Variants in IQSEC2 observed in about 807,000 individuals in gnomAD.
The protein encoded by IQSEC2 is IQ motif and Sec7 domain ArfGEF 2, also known as IQ motif and SEC7 domain-containing protein 2.
Under a neutral mutation model 74.6 loss-of-function variants are expected in IQSEC2, and 6 were observed. That is an observed-to-expected ratio of 0.08 (90% CI 0.04 to 0.16). The LOEUF (loss-of-function observed/expected upper bound fraction) is 0.16. Among genes scored for constraint, IQSEC2 ranks in the 10% least tolerant of loss-of-function variants. IQSEC2 has a pLI of 1.00. For missense variants in IQSEC2, 734 were observed against 1,306.2 expected, an observed-to-expected ratio of 0.56 and a Z score of 6.75; for synonymous variants, 494 against 544.5, an observed-to-expected ratio of 0.91 and a Z score of 1.29.
chrX:53,248,806 T>G lies in IQSEC2; in HGVS notation c.2374A>C (p.Ile792Leu). Residue 792 changes from isoleucine (I) to leucine (L), a missense_variant, in exon 6 of 15, where the codon ATC becomes CTC. By Grantham distance (5) the Ile-to-Leu change is conservative (BLOSUM62 2). Transcript: ENST00000642864. ...SDTPVGVAHF[I>L]LERKGLSRQM... Reference sequence around the variant, plus strand: ...CGGCTGAGGCCTTTCCGCTCCAGGATGAAGTGAGCCACTCCCACCGGTGTG... The same window carrying G: ...CGGCTGAGGCCTTTCCGCTCCAGGAGGAAGTGAGCCACTCCCACCGGTGTG... 8.3e-7 allele frequency: 1 copy of G among 1,211,226 alleles called. No homozygotes were observed. Among genetic ancestry groups the G allele is most frequent in the Non-Finnish European group, 1.1e-6 (1 of 895,258 alleles).
intron 1 of IQSEC2, among the ~76,000 whole-genome samples, chrX:53,305,509 C>A (rs146201681): frequency 1.8e-5 from 2 of 111,659 alleles, no homozygotes; most frequent in Non-Finnish European, 3.8e-5. Context: ...CCATGCCCAG[C>A]CATAAAGTTA....
At position 53,256,002 on chromosome X, in the gene IQSEC2, T is replaced by C; in HGVS notation, c.797A>G (p.Gln266Arg). The C allele has an allele frequency of 8.4e-7, 1 of 1,189,771 alleles. No individual in the cohort carries two copies. The highest frequency in any genetic ancestry group is 1.1e-6 in the Non-Finnish European group (1 of 883,187). Residue 266 changes from glutamine to arginine, a missense_variant, in exon 3 of 15, where the codon CAA becomes CGA. Gln to Arg is a conservative substitution (Grantham distance 43). This residue lies in a region of IQSEC2 where 54 missense variants were observed against 62.1 expected (regional missense o/e 0.87). Transcript: ENST00000642864. ...CAGCTGGCTCAGCCGGTAGGGGGGT[T>C]GGCTCCCAGGACTATCAACCGCTGT... ...LSTAVDSPGSQPPYRLSQLPP... is the reference protein window; with the variant it reads ...LSTAVDSPGSRPPYRLSQLPP...
At chrX:53,304,785 C>T (rs1556876230) in intron 1 of IQSEC2, among the ~76,000 whole-genome samples, 1 of 111,578 alleles carries the variant, frequency 9.0e-6, no homozygotes, top group Non-Finnish European at 1.9e-5. Flanking sequence ...CTTCCCTAAC[C>T]TCATGCTCCT....
chrX:53,317,699 C>G (rs1038475340), intron 1 of IQSEC2, among the ~76,000 whole-genome samples: 1 of 112,296 alleles, frequency 8.9e-6, no homozygotes, highest in Non-Finnish European at 1.9e-5. Context: ...AGCCTGTACC[C>G]GCTCTACCTA....
intron 2 of IQSEC2, chrX:53,281,606 C>CT: frequency 9.4e-7 from 1 of 1,061,745 alleles, no homozygotes. Context: ...CAGCCCTTCC[C>CT]TAGAAGGAGG....
chrX:53,274,456 T>TTTTC (rs1242756890), intron 2 of IQSEC2, among the ~76,000 whole-genome samples: 9 of 65,293 alleles, frequency 1.4e-4, no homozygotes, highest in African/African-American at 4.4e-4. Flanking sequence ...ACATTTCTTT[T>TTTTC]TTTTTTTTTT....
At chrX:53,294,048 C>T (rs2075127278) in intron 1 of IQSEC2, among the ~76,000 whole-genome samples, 1 of 111,677 alleles carries the variant, frequency 9.0e-6, no homozygotes. Flanking sequence ...AGCTCAGTGC[C>T]GGGCACGTAC....
chrX:53,259,603 C>A (rs1363047285), intron 2 of IQSEC2, among the ~76,000 whole-genome samples: 1 of 110,432 alleles, frequency 9.1e-6, no homozygotes, highest in Admixed American at 9.7e-5. Flanking sequence ...GAGTTCAAGA[C>A]CAGCCTGGGC....
intron 2 of IQSEC2, among the ~76,000 whole-genome samples, chrX:53,289,983 A>T (rs2075079379): frequency 8.9e-6 from 1 of 111,845 alleles, no homozygotes; most frequent in African/African-American, 3.2e-5. Context: ...ACAAATGGTG[A>T]TTGCTATAAT....
intron 1 of IQSEC2, among the ~76,000 whole-genome samples, chrX:53,293,688 T>G (rs1556873581): frequency 2.7e-5 from 3 of 111,088 alleles, no homozygotes; most frequent in Non-Finnish European, 5.7e-5. Context: ...CCAGCACACA[T>G]GTATTCAGTC....
At position 53,277,426 on chromosome X, in the gene IQSEC2, G is replaced by A. The variant is rs1250308367; in HGVS notation, c.737+14469C>T. Among the ~76,000 whole-genome samples the A allele has an allele frequency of 3.7e-5, 4 of 109,395 alleles. No homozygotes were observed. The East Asian group carries it at 1.1e-3, about 31-fold the overall frequency. The allele number at this position is 109,395 out of a possible 115,157, so 95.0% of individuals were successfully genotyped here. A position where few individuals can be genotyped will look rare whatever the true frequency, so the allele number is the denominator to read the frequency against. On this transcript the variant is annotated intron_variant, in intron 2 of 14. Coordinates refer to ENST00000642864, the MANE Select transcript of IQSEC2 (RefSeq NM_001111125.3). Reference sequence around the variant, plus strand: ...AGTAGAGACGGGGTTTCACTATGTTGGCCAGGGTGGTCTTGAATGCCTGAC... The same window carrying A: ...AGTAGAGACGGGGTTTCACTATGTTAGCCAGGGTGGTCTTGAATGCCTGAC...
At chrX:53,287,519 G>A (rs1163008839) in intron 2 of IQSEC2, among the ~76,000 whole-genome samples, 2 of 113,025 alleles carry the variant, frequency 1.8e-5, no homozygotes, top group Non-Finnish European at 1.9e-5. Context: ...CCAGCATGCA[G>A]TGTTGCACTT....
At chrX:53,235,226 C>T in intron 14 of IQSEC2, 42 bp from the exon 15 acceptor site, 1 of 1,161,987 alleles carries the variant, frequency 8.6e-7, no homozygotes, top group South Asian at 1.9e-5. Flanking sequence ...GCTAGATGCC[C>T]TAAACCCCCA....
chrX:53,264,334 C>T (rs1358565162), intron 2 of IQSEC2, among the ~76,000 whole-genome samples: 4 of 109,252 alleles, frequency 3.7e-5, no homozygotes, highest in Non-Finnish European at 5.7e-5. Context: ...CTGATCAAAA[C>T]CCCACCCCCT....
chrX:53,248,862 T>C lies in IQSEC2; in HGVS notation c.2318A>G (p.Gln773Arg). The C allele has an allele frequency of 8.3e-7, 1 of 1,210,714 alleles. No individual in the cohort carries two copies. Among genetic ancestry groups the C allele is most frequent in the Non-Finnish European group, 1.1e-6 (1 of 894,923 alleles). ...CAGGAAGCCCCGCTCGATCAGATAC[T>C]GGATACCCTTCTCTGGCTTCCTGCA... ...LFNKKPEKGIQYLIERGFLSD... is the reference protein window; with the variant it reads ...LFNKKPEKGIRYLIERGFLSD... Residue 773 changes from glutamine (Q) to arginine (R), a missense_variant, in exon 6 of 15, where the codon CAG (glutamine) becomes CGG (arginine). Physicochemically the swap from Gln to Arg is conservative, Grantham distance 43. This residue lies in a region of IQSEC2 where 14 missense variants were observed against 20.4 expected (regional missense o/e 0.69). Coordinates refer to ENST00000642864, the MANE Select transcript of IQSEC2 (RefSeq NM_001111125.3).
chrX:53,249,666 A>AT (rs1384757770), intron 5 of IQSEC2, among the ~76,000 whole-genome samples: 3 of 112,298 alleles, frequency 2.7e-5, no homozygotes, highest in Non-Finnish European at 5.6e-5. Context: ...ATTACATCTA[A>AT]TGTTTTCCAA....
chrX:53,308,459 G>A (rs1005282539), intron 1 of IQSEC2, among the ~76,000 whole-genome samples: 3 of 111,294 alleles, frequency 2.7e-5, no homozygotes, highest in Admixed American at 9.6e-5. Flanking sequence ...TTGGCCCTGC[G>A]ATGACTAATA....
At chrX:53,310,410 A>T (rs1216159593) in intron 1 of IQSEC2, among the ~76,000 whole-genome samples, 2 of 110,407 alleles carry the variant, frequency 1.8e-5, no homozygotes, top group African/African-American at 6.5e-5. Context: ...CAAACAAACA[A>T]ACAAAAAACT....
At chrX:53,306,206 C>A (rs1414712361) in intron 1 of IQSEC2, among the ~76,000 whole-genome samples, 1 of 111,715 alleles carries the variant, frequency 9.0e-6, no homozygotes, top group African/African-American at 3.3e-5. Flanking sequence ...CCCACTTGCT[C>A]CCACCGCCTG....
Sources: allele counts gnomAD v4.1 joint callset (sites outside exome capture counted in the v4.1 genomes callset), GRCh38; gene constraint gnomAD v4.1.1; regional missense constraint gnomAD v4.1.1; transcripts MANE v1.5; gene names NCBI Gene and HGNC (gene_info 2026-07-23, HGNC 2026-07-21).